Variants in PRPSAP2 observed in about 807,000 individuals in gnomAD.
PRPSAP2 encodes phosphoribosyl pyrophosphate synthetase associated protein 2.
In PRPSAP2, 24 loss-of-function variants were observed where a neutral mutation model predicts 40.6. The observed-to-expected ratio is 0.59, with a 90% CI of 0.43 to 0.83. The LOEUF (loss-of-function observed/expected upper bound fraction) is 0.83. Ranked by LOEUF, PRPSAP2 falls within the 40% of genes least tolerant of loss-of-function variation. PRPSAP2 has a pLI of 0.00. For synonymous variants in PRPSAP2, 149 were observed against 164.7 expected (o/e 0.90, Z 0.73); for missense variants, 292 against 465.6 (o/e 0.63, Z 3.43).
At chr17:18,881,893 T>A (rs1341410639) in intron 6 of PRPSAP2, among the ~76,000 whole-genome samples, 2 of 144,846 alleles carry the variant, frequency 1.4e-5, no homozygotes, top group African/African-American at 5.2e-5. Context: ...CAGGCTGGAG[T>A]GCAGTGGCAT....
intron 8 of PRPSAP2, chr17:18,908,830 G>T: frequency 1.4e-6 from 1 of 710,588 alleles, no homozygotes; most frequent in South Asian, 1.4e-5. Context: ...TTTGGTGGAG[G>T]AGGAAACCAA....
At chr17:18,922,544 A>G (rs1018892944) in intron 9 of PRPSAP2, among the ~76,000 whole-genome samples, 1 of 151,624 alleles carries the variant, frequency 6.6e-6, no homozygotes, top group Non-Finnish European at 1.5e-5. Context: ...CTTCATTTGT[A>G]TATCTTCTTT....
intron 9 of PRPSAP2, among the ~76,000 whole-genome samples, chr17:18,918,651 T>G (rs547012873): frequency 3.7e-4 from 56 of 152,298 alleles, no homozygotes; most frequent in South Asian, 2.1e-4. Flanking sequence ...GGGCTGCAAG[T>G]GCAGAGGCCA....
intron 6 of PRPSAP2, among the ~76,000 whole-genome samples, chr17:18,881,191 T>TAA (rs1459728347): frequency 1.1e-4 from 16 of 144,826 alleles, no homozygotes; most frequent in Middle Eastern, 3.5e-3. Flanking sequence ...AAAAAAAATT[T>TAA]TTTTTGAAAA....
intron 8 of PRPSAP2, among the ~76,000 whole-genome samples, chr17:18,895,427 A>G (rs1390940937): frequency 6.6e-6 from 1 of 151,754 alleles, no homozygotes; most frequent in Non-Finnish European, 1.5e-5. Context: ...TTCTTTGGGT[A>G]TCCCTTAATT....
intron 11 of PRPSAP2, among the ~76,000 whole-genome samples, chr17:18,930,265 T>C (rs1484894133): frequency 6.6e-6 from 1 of 152,056 alleles, no homozygotes; most frequent in Non-Finnish European, 1.5e-5. Flanking sequence ...CCCAGCTTAC[T>C]TGGGAGGCTG....
chr17:18,878,496 T>G (rs12452289), intron 6 of PRPSAP2, among the ~76,000 whole-genome samples: 80,391 of 152,114 alleles, frequency 0.53, 21,508 homozygotes, highest in Middle Eastern at 0.6. Flanking sequence ...TATTGGGTAT[T>G]TGTGTCAATA....
intron 1 of PRPSAP2, among the ~76,000 whole-genome samples, chr17:18,863,848 T>TTG (rs2037231014): frequency 6.9e-6 from 1 of 145,832 alleles, no homozygotes; most frequent in Non-Finnish European, 1.5e-5. Flanking sequence ...TTTTTTTTTT[T>TTG]TTTTTAATTT....
chr17:18,873,486 G>T (rs1360534110), intron 5 of PRPSAP2, among the ~76,000 whole-genome samples: 1 of 152,020 alleles, frequency 6.6e-6, no homozygotes, highest in African/African-American at 2.4e-5. Context: ...GATTACAGGC[G>T]TGAGCCACTG....
chr17:18,930,124 G>T (rs2042181687), intron 11 of PRPSAP2, among the ~76,000 whole-genome samples: 1 of 152,184 alleles, frequency 6.6e-6, no homozygotes, highest in Admixed American at 6.5e-5. Flanking sequence ...TGTAATCCCA[G>T]CACTTTGGGA....
In PRPSAP2 at chr17:18,930,569, A is replaced by C; in HGVS notation, c.981A>C (p.Glu327Asp). The change falls in exon 12 of 12, where the codon GAA becomes GAC. Residue 327 changes from glutamate (E) to aspartate (D), a missense_variant. By Grantham distance (45) the Glu-to-Asp change is conservative. This residue lies in a region of PRPSAP2 where 241 missense variants were observed against 425.7 expected (regional missense o/e 0.57). Transcript: ENST00000268835. Reference sequence around the variant, plus strand: ...TGGTCACCAATACAATTCCACATGAAGTCCAGAAGCTCCAGTGCCCCAAGA... The same window carrying C: ...TGGTCACCAATACAATTCCACATGACGTCCAGAAGCTCCAGTGCCCCAAGA... ...EVVVTNTIPH[E>D]VQKLQCPKIK... The C allele has an allele frequency of 1.2e-6, 2 of 1,613,728 alleles. No homozygotes were observed. Among genetic ancestry groups the C allele is most frequent in the South Asian group, 2.2e-5 (2 of 91,028 alleles).
intron 9 of PRPSAP2, among the ~76,000 whole-genome samples, chr17:18,912,391 G>GAATT (rs2041017801): frequency 6.6e-6 from 1 of 152,158 alleles, no homozygotes; most frequent in Non-Finnish European, 1.5e-5. Flanking sequence ...TACCACCACA[G>GAATT]TGGGTTCCAG....
At position 18,926,428 on chromosome 17, in the gene PRPSAP2, G is replaced by A. The variant is rs372624904; in HGVS notation, c.805-2383G>A. ...ACTACAGGTGCACGCCACCACGTCC[G>A]GCTAATTTTTGTATTTTTTTTGTAG... is the stretch of plus-strand genomic sequence containing the variant. On this transcript the variant is annotated intron_variant, in intron 10 of 11. Transcript: ENST00000268835. Among the ~76,000 whole-genome samples, 64 of 151,716 alleles carry A rather than the reference G, an allele frequency of 4.2e-4. 1 individual carries two copies. The highest frequency in any genetic ancestry group is 1.3e-3 in the African/African-American group (54 of 41,412).
At chr17:18,876,469 G>A (rs1283042203) in intron 5 of PRPSAP2, among the ~76,000 whole-genome samples, 5 of 152,142 alleles carry the variant, frequency 3.3e-5, no homozygotes, top group African/African-American at 9.7e-5. Flanking sequence ...TGAATGTTCT[G>A]TGTTTCCATT....
chr17:18,867,462 A>G, intron 4 of PRPSAP2, 128 bp downstream of exon 4: 1 of 1,124,364 alleles, frequency 8.9e-7, no homozygotes, highest in East Asian at 2.5e-5. Flanking sequence ...GAAGTCAGGC[A>G]GGCAAGGTAG....
intron 8 of PRPSAP2, among the ~76,000 whole-genome samples, chr17:18,896,495 G>A (rs1391621412): frequency 6.6e-6 from 1 of 151,934 alleles, no homozygotes; most frequent in Non-Finnish European, 1.5e-5. Flanking sequence ...GGGCTTTTCA[G>A]GTCCTTCCTG....
intron 7 of PRPSAP2, among the ~76,000 whole-genome samples, chr17:18,887,849 T>A (rs1210572215): frequency 9.8e-6 from 1 of 101,640 alleles, no homozygotes; most frequent in African/African-American, 3.8e-5. Context: ...TTTTTTTTTT[T>A]TTTAATTTAT....
intron 10 of PRPSAP2, among the ~76,000 whole-genome samples, chr17:18,925,509 T>C (rs975313657): frequency 3.3e-5 from 5 of 152,222 alleles, no homozygotes; most frequent in African/African-American, 1.2e-4. Flanking sequence ...ACCTGTGTAG[T>C]GGCAGGAAGT....
chr17:18,893,512 C>T (rs1041654685), intron 8 of PRPSAP2, among the ~76,000 whole-genome samples: 9 of 151,518 alleles, frequency 5.9e-5, no homozygotes, highest in African/African-American at 1.2e-4. Flanking sequence ...CTCAGCACTT[C>T]GGGAGGCTGA....
Sources: allele counts gnomAD v4.1 joint callset (sites outside exome capture counted in the v4.1 genomes callset), GRCh38; gene constraint gnomAD v4.1.1; regional missense constraint gnomAD v4.1.1; transcripts MANE v1.5; gene names NCBI Gene and HGNC (gene_info 2026-07-23, HGNC 2026-07-21).